KLHDC1: variants seen among roughly 807,000 people sequenced by gnomAD.
KLHDC1 encodes the protein kelch domain containing 1, also known as kelch domain-containing protein 1.
KLHDC1 carries 53 observed loss-of-function variants against 68.3 expected under a neutral mutation model. The ratio of observed to expected loss-of-function variants is 0.78; its 90% CI spans 0.62 to 0.98. KLHDC1 has a LOEUF of 0.98. Among genes scored for constraint, KLHDC1 ranks in the 50% least tolerant of loss-of-function variants. The probability of loss-of-function intolerance (pLI) is 0.00; values close to 1 mark genes in which losing one functional copy is unlikely to be tolerated. For missense variants in KLHDC1, 470 were observed against 492.3 expected, an observed-to-expected ratio of 0.95 and a Z score of 0.43; for synonymous variants, 148 against 159.0, an observed-to-expected ratio of 0.93 and a Z score of 0.52.
At chr14:49,706,552 T>A (rs925770725) in intron 1 of KLHDC1, among the ~76,000 whole-genome samples, 2 of 152,212 alleles carry the variant, frequency 1.3e-5, no homozygotes, top group Admixed American at 1.3e-4. Context: ...TAAAGAAACC[T>A]CCAAACTGTT....
At position 49,700,096 on chromosome 14, in the gene KLHDC1, G is replaced by A. The variant is rs778581003; in HGVS notation, c.96+6806G>A. ...GGCTGGAGTGCAGTGGCGCGATCTC[G>A]GCTCACTGCAACCTCCGCCTCCCAG... is the stretch of plus-strand genomic sequence containing the variant. On this transcript the variant is annotated intron_variant, in intron 1 of 12. Coordinates refer to ENST00000359332, the MANE Select transcript of KLHDC1 (RefSeq NM_172193.3). 3.6e-5 allele frequency: 11 copies of A among 304,080 alleles called. 1 individual carries two copies. The highest frequency in any genetic ancestry group is 2.3e-4 in the South Asian group (9 of 39,360). The allele number at this position is 304,080 out of a possible 1,614,324, so 18.8% of individuals were successfully genotyped here. A position where few individuals can be genotyped will look rare whatever the true frequency, so the allele number is the denominator to read the frequency against.
chr14:49,738,256 C>T (rs1391252437), intron 10 of KLHDC1, among the ~76,000 whole-genome samples: 2 of 151,878 alleles, frequency 1.3e-5, no homozygotes, highest in African/African-American at 2.4e-5. Context: ...AGATGCTCTA[C>T]TCCTTTATGA....
At chr14:49,723,405 A>G (rs562709327) in intron 4 of KLHDC1, among the ~76,000 whole-genome samples, 4 of 151,556 alleles carry the variant, frequency 2.6e-5, no homozygotes, top group Non-Finnish European at 5.9e-5. Context: ...GGTGGCACGC[A>G]CCTGTAGTCA....
At position 49,709,238 on chromosome 14, in the gene KLHDC1, T is replaced by C; in HGVS notation, c.167+9T>C. The C allele has an allele frequency of 8.3e-7, 1 of 1,197,896 alleles. No individual in the cohort carries two copies. The highest frequency in any genetic ancestry group is 1.2e-6 in the Non-Finnish European group (1 of 824,296). 74.2% of individuals were successfully genotyped at this position (1,197,896 alleles called of 1,614,324 possible). ...ATTGATAGTGGGTTGTGGTAAGTAA[T>C]TTTAAATTGCATACTGTCTGATCTT... On this transcript the variant is annotated intron_variant, in intron 2 of 12. Coordinates refer to ENST00000359332, the MANE Select transcript of KLHDC1 (RefSeq NM_172193.3).
chr14:49,747,094 C>T (rs1375702832), intron 12 of KLHDC1, among the ~76,000 whole-genome samples: 3 of 151,926 alleles, frequency 2.0e-5, no homozygotes, highest in Non-Finnish European at 4.4e-5. Context: ...CCACAGGTGC[C>T]CGCCACCACA....
intron 10 of KLHDC1, among the ~76,000 whole-genome samples, chr14:49,735,502 AT>A (rs1277770963): frequency 6.6e-6 from 1 of 152,168 alleles, no homozygotes; most frequent in African/African-American, 2.4e-5. Flanking sequence ...ATCTATATTA[AT>A]ATTCACAGTA....
rs569206796 is a variant in KLHDC1, at chr14:49,705,516, C to T, written c.97-3643C>T. Among the ~76,000 whole-genome samples, 7 of 151,564 alleles carry T rather than the reference C, an allele frequency of 4.6e-5. No homozygotes were observed. In the East Asian group the frequency reaches 1.4e-3, roughly 29 times the overall value. Reference sequence around the variant, plus strand: ...CCTGAATAGCTAAGACTATAGGCGCCCGCCACCACACCTGGCTAATTTTTT... The same window carrying T: ...CCTGAATAGCTAAGACTATAGGCGCTCGCCACCACACCTGGCTAATTTTTT... On this transcript the variant is annotated intron_variant, in intron 1 of 12. Transcript: ENST00000359332.
intron 8 of KLHDC1, 71 bp downstream of exon 8, chr14:49,729,619 A>G: frequency 1.0e-6 from 1 of 977,160 alleles, no homozygotes; most frequent in Non-Finnish European, 1.6e-6. Flanking sequence ...CATAATCCAA[A>G]TGTGAGTCTT....
At chr14:49,712,198 A>G (rs969302873) in intron 4 of KLHDC1, among the ~76,000 whole-genome samples, 2 of 152,076 alleles carry the variant, frequency 1.3e-5, no homozygotes, top group African/African-American at 4.8e-5. Context: ...GATTACAGGC[A>G]TGAGCCACTG....
chr14:49,712,949 CTTTTTT>C (rs765770912), intron 4 of KLHDC1, among the ~76,000 whole-genome samples: 1 of 136,948 alleles, frequency 7.3e-6, no homozygotes, highest in Non-Finnish European at 1.6e-5. Context: ...CCATAGCTAA[CTTTTTT>C]TTTTTTTTTT....
At position 49,709,733 on chromosome 14, in the gene KLHDC1, A is replaced by T. The variant is rs777414375; in HGVS notation, c.192A>T (p.Glu64Asp). 6.3e-7 allele frequency: 1 copy of T among 1,597,922 alleles called. No homozygotes were observed. Among genetic ancestry groups the T allele is most frequent in the Non-Finnish European group, 8.5e-7 (1 of 1,173,452 alleles). Residue 64 changes from glutamate to aspartate, a missense_variant, in exon 3 of 13, where the codon GAA becomes GAT. Coordinates refer to ENST00000359332, the MANE Select transcript of KLHDC1 (RefSeq NM_172193.3). ...GGAGAATGCACCTCATGGAAGGAGA[A>T]CTCCCAGCCTCCATGTCAGGAAGCT... ...GLWRMHLMEG[E>D]LPASMSGSCG...
chr14:49,728,559 AC>A (rs1888726601), intron 6 of KLHDC1, among the ~76,000 whole-genome samples: 1 of 152,046 alleles, frequency 6.6e-6, no homozygotes, highest in Non-Finnish European at 1.5e-5. Flanking sequence ...TCTAATGGGA[AC>A]TCTGTGTGTG....
intron 12 of KLHDC1, among the ~76,000 whole-genome samples, chr14:49,747,746 G>C (rs1337187001): frequency 6.6e-6 from 1 of 152,132 alleles, no homozygotes; most frequent in Non-Finnish European, 1.5e-5. Context: ...TCTGTCTGCG[G>C]GATATATAAC....
At chr14:49,733,431 T>C (rs1289626351) in intron 9 of KLHDC1, among the ~76,000 whole-genome samples, 1 of 139,332 alleles carries the variant, frequency 7.2e-6, no homozygotes, top group Non-Finnish European at 1.5e-5. Flanking sequence ...TTTTCTTTTC[T>C]TTTTTTTTTT....
At chr14:49,706,963 A>G (rs539158541) in intron 1 of KLHDC1, among the ~76,000 whole-genome samples, 254 of 152,158 alleles carry the variant, frequency 1.7e-3, no homozygotes, top group African/African-American at 5.6e-3. Context: ...TGTTCCCTTC[A>G]CTGTGCAGAA....
intron 10 of KLHDC1, 108 bp downstream of exon 10, chr14:49,734,769 G>T: frequency 2.2e-6 from 1 of 452,362 alleles, no homozygotes; most frequent in Non-Finnish European, 3.9e-6. Flanking sequence ...CCATTGAGAA[G>T]GATATCTTTC....
At chr14:49,715,871 G>C (rs1042940374) in intron 4 of KLHDC1, among the ~76,000 whole-genome samples, 2 of 150,262 alleles carry the variant, frequency 1.3e-5, no homozygotes, top group African/African-American at 4.9e-5. Context: ...TTCTTTTGAA[G>C]TCGTTTGAGG....
At chr14:49,702,370 G>A (rs1887932130) in intron 1 of KLHDC1, among the ~76,000 whole-genome samples, 1 of 151,982 alleles carries the variant, frequency 6.6e-6, no homozygotes, top group African/African-American at 2.4e-5. Context: ...CTGGTAATAA[G>A]AGTACAAGTT....
At chr14:49,705,776 A>G (rs1012043525) in intron 1 of KLHDC1, among the ~76,000 whole-genome samples, 3 of 152,130 alleles carry the variant, frequency 2.0e-5, no homozygotes. Flanking sequence ...TTGTTTACTT[A>G]GCCATTTAAT....
Sources: gnomAD v4.1 joint callset for allele counts (sites outside exome capture counted in the v4.1 genomes callset) on GRCh38, gnomAD v4.1.1 for gene constraint, MANE v1.5 for transcripts, NCBI Gene and HGNC (gene_info 2026-07-23, HGNC 2026-07-21) for gene names.